The following NMT1 variants were observed in gnomAD, a reference collection of about 807,000 sequenced individuals.
The protein encoded by NMT1 is glycylpeptide N-tetradecanoyltransferase 1.
In NMT1, 12 loss-of-function variants were observed where a neutral mutation model predicts 63.4. That is an observed-to-expected ratio of 0.19 (90% CI 0.12 to 0.31). The LOEUF (loss-of-function observed/expected upper bound fraction) is 0.31, where lower values mean the gene tolerates loss of function less well. NMT1 is among the 10% of genes least tolerant of loss of function. The pLI is 1.00. For synonymous variants in NMT1, 228 were observed against 234.3 expected (o/e 0.97, Z 0.25); for missense variants, 432 against 634.6 (o/e 0.68, Z 3.43).
chr17:45,105,947 T>A lies in NMT1; in HGVS notation c.*308T>A. ...ATTGGCATATAATGGAGTTAACGGG[T>A]GAATAATAAAAGTATATATATATAT... On this transcript the variant is annotated 3_prime_UTR_variant, in exon 12 of 12. Transcript: ENST00000258960. The surrounding 1 kb of genome is among the most constrained non-coding windows in gnomAD (Gnocchi z 4.2). The A allele has an allele frequency of 4.7e-6, 1 of 212,320 alleles. No individual in the cohort carries two copies. Among genetic ancestry groups the A allele is most frequent in the Non-Finnish European group, 9.2e-6 (1 of 108,286 alleles). 13.2% of individuals were successfully genotyped at this position (212,320 alleles called of 1,614,324 possible).
intron 2 of NMT1, among the ~76,000 whole-genome samples, chr17:45,082,360 C>T (rs1187698719): frequency 1.3e-5 from 2 of 152,202 alleles, no homozygotes; most frequent in African/African-American, 4.8e-5. Flanking sequence ...AAGCAATCCT[C>T]CTGCCCTAGC....
intron 3 of NMT1, among the ~76,000 whole-genome samples, chr17:45,090,297 T>A (rs1367898190): frequency 6.6e-6 from 1 of 151,944 alleles, no homozygotes; most frequent in African/African-American, 2.4e-5. Flanking sequence ...GATTAAAAAA[T>A]AAATAAATAA....
intron 1 of NMT1, among the ~76,000 whole-genome samples, chr17:45,070,652 C>T (rs2053934080): frequency 7.0e-6 from 1 of 142,806 alleles, no homozygotes; most frequent in South Asian, 2.2e-4. Flanking sequence ...CTCCTGACCT[C>T]ATGATCCGCC....
At position 45,106,264 on chromosome 17, in the gene NMT1, G is replaced by A. The variant is rs540927831; in HGVS notation, c.*625G>A. 1 of 152,754 alleles carries A rather than the reference G, an allele frequency of 6.5e-6. No individual in the cohort carries two copies. The highest frequency in any genetic ancestry group is 1.5e-5 in the Non-Finnish European group (1 of 68,042). The allele number at this position is 152,754 out of a possible 1,614,324, so 9.5% of individuals were successfully genotyped here. A position where few individuals can be genotyped will look rare whatever the true frequency, so the allele number is the denominator to read the frequency against. ...CTCAGATCTCATGGGATAGCACGTG[G>A]AGCTCTTGGCTGGGGCTGACCCTGG... On this transcript the variant is annotated 3_prime_UTR_variant, in exon 12 of 12. Transcript: ENST00000258960.
Position 45,104,296 on chromosome 17 carries a change from T to C in NMT1, c.1332+420T>C, listed in dbSNP as rs956589206. The C allele has an allele frequency of 2.0e-5, 24 of 1,182,920 alleles. No homozygotes were observed. In the African/African-American group the frequency reaches 3.7e-4, roughly 18 times the overall value. The allele number at this position is 1,182,920 out of a possible 1,614,324, so 73.3% of individuals were successfully genotyped here. On this transcript the variant is annotated intron_variant, in intron 10 of 11. Coordinates refer to ENST00000258960, the MANE Select transcript of NMT1 (RefSeq NM_021079.5). The surrounding 1 kb of genome is among the most constrained non-coding windows in gnomAD (Gnocchi z 4.2). ...TCTGTCAGTGCTTTGCTGTGGGTTC[T>C]GGTAACCTGTGCCCAGCCCAGCCCA... is the stretch of plus-strand genomic sequence containing the variant.
chr17:45,066,657 GTGT>G, intron 1 of NMT1, among the ~76,000 whole-genome samples: 1 of 151,988 alleles, frequency 6.6e-6, no homozygotes, highest in African/African-American at 2.4e-5. Context: ...CATATGCAGT[GTGT>G]ATGGGTGCGT....
At chr17:45,073,023 CTTATTTT>C (rs1398983449) in intron 1 of NMT1, among the ~76,000 whole-genome samples, 3 of 152,218 alleles carry the variant, frequency 2.0e-5, no homozygotes, top group Admixed American at 6.6e-5. Context: ...TTTTCAAGGT[CTTATTTT>C]AGTCTATTAT....
Position 45,105,207 on chromosome 17 carries a change from C to T in NMT1, c.1470+211C>T, listed in dbSNP as rs1164703909. On this transcript the variant is annotated intron_variant, in intron 11 of 11. Coordinates refer to ENST00000258960, the MANE Select transcript of NMT1 (RefSeq NM_021079.5). This position sits in a 1 kb window ranked among gnomAD's most constrained non-coding sequence, Gnocchi z 4.2. Reference sequence around the variant, plus strand: ...TGTGAGGATGGCAGAGGGGACAGAGCCACACAGTAGCACGAAGATCATCTC... The same window carrying T: ...TGTGAGGATGGCAGAGGGGACAGAGTCACACAGTAGCACGAAGATCATCTC... Among the ~76,000 whole-genome samples, 1 of 152,190 alleles carries T rather than the reference C, an allele frequency of 6.6e-6. No homozygotes were observed. Among genetic ancestry groups the T allele is most frequent in the Non-Finnish European group, 1.5e-5 (1 of 68,032 alleles).
intron 6 of NMT1, 129 bp from the exon 7 acceptor site, chr17:45,098,253 G>A: frequency 3.9e-6 from 3 of 773,180 alleles, no homozygotes; most frequent in South Asian, 1.6e-5. Context: ...AGTACTGAGT[G>A]CAGGTGGCAG....
At chr17:45,090,103 A>T (rs1030146551) in intron 3 of NMT1, among the ~76,000 whole-genome samples, 1 of 151,918 alleles carries the variant, frequency 6.6e-6, no homozygotes, top group East Asian at 2.0e-4. Context: ...GACAACAGGG[A>T]AAGACCTCGT....
chr17:45,077,869 G>A (rs1214934827), intron 1 of NMT1, among the ~76,000 whole-genome samples: 1 of 152,152 alleles, frequency 6.6e-6, no homozygotes, highest in Non-Finnish European at 1.5e-5. Context: ...TATGGTTTCT[G>A]TTGTTTGCCA....
intron 2 of NMT1, among the ~76,000 whole-genome samples, chr17:45,085,819 C>CT (rs747872109): frequency 0.11 from 16,600 of 145,432 alleles, 960 homozygotes; most frequent in Middle Eastern, 0.18. Context: ...CCCTTTAACT[C>CT]TTTTTTTTTT....
In NMT1 at chr17:45,083,147, T is replaced by C. The variant is rs552990816; in HGVS notation, c.240+1395T>C. Reference sequence around the variant, plus strand: ...CTGGCCAACATGGTGAAACCCTGCCTCTACTGAAGATACAAAAAAAAATTA... The same window carrying C: ...CTGGCCAACATGGTGAAACCCTGCCCCTACTGAAGATACAAAAAAAAATTA... On this transcript the variant is annotated intron_variant, in intron 2 of 11. Transcript: ENST00000258960. Among the ~76,000 whole-genome samples the C allele has an allele frequency of 1.8e-3, 274 of 151,546 alleles. 1 individual carries two copies. Among genetic ancestry groups the C allele is most frequent in the Middle Eastern group, 3.4e-3 (1 of 294 alleles).
At chr17:45,078,409 A>G (rs191879784) in intron 1 of NMT1, among the ~76,000 whole-genome samples, 8 of 152,246 alleles carry the variant, frequency 5.3e-5, no homozygotes, top group African/African-American at 1.9e-4. Flanking sequence ...CCTCCCAGGA[A>G]CAGGAAGAGA....
intron 6 of NMT1, among the ~76,000 whole-genome samples, chr17:45,097,719 A>G (rs949019583): frequency 2.0e-5 from 3 of 152,038 alleles, no homozygotes; most frequent in African/African-American, 7.2e-5. Flanking sequence ...ATCTTGGTTC[A>G]CTGCAAGCTC....
At chr17:45,092,716 AAAAAAGAAAAG>A (rs1365151774) in intron 3 of NMT1, among the ~76,000 whole-genome samples, 1 of 148,934 alleles carries the variant, frequency 6.7e-6, no homozygotes, top group Admixed American at 6.7e-5. Flanking sequence ...TCAAAAAAAA[AAAAAAGAAAAG>A]AAAAGAAAAA....
chr17:45,103,577 C>A lies in NMT1; in HGVS notation c.1165-132C>A. ...AATGTCCCTCCTCCTCCCCACATGT[C>A]CTGTTGCAGTTTCCAGCCATTTATC... is the stretch of plus-strand genomic sequence containing the variant. On this transcript the variant is annotated intron_variant, in intron 9 of 11. Transcript: ENST00000258960. This position sits in a 1 kb window ranked among gnomAD's most constrained non-coding sequence, Gnocchi z 4.8. 1.1e-6 allele frequency: 1 copy of A among 901,616 alleles called. No homozygotes were observed. The highest frequency in any genetic ancestry group is 1.7e-6 in the Non-Finnish European group (1 of 584,280). The allele number at this position is 901,616 out of a possible 1,614,324, so 55.9% of individuals were successfully genotyped here.
At chr17:45,061,878 C>T (rs1014666335) in intron 1 of NMT1, 13 of 157,610 alleles carry the variant, frequency 8.2e-5, no homozygotes, top group South Asian at 6.5e-4. Flanking sequence ...GCAGTTCACC[C>T]TCAGTGAGGA....
In NMT1 at chr17:45,090,119, C is replaced by CA. The variant is rs1274539274; in HGVS notation, c.385+3474dup. On this transcript the variant is annotated intron_variant, in intron 3 of 11. Coordinates refer to ENST00000258960, the MANE Select transcript of NMT1 (RefSeq NM_021079.5). Reference sequence around the variant, plus strand: ...ACAACAGGGAAAGACCTCGTCTCTACAAAAAAATTTAAAAATTAGCCAGAC... The same window carrying CA: ...ACAACAGGGAAAGACCTCGTCTCTACAAAAAAAATTTAAAAATTAGCCAGAC... Among the ~76,000 whole-genome samples, 22 of 151,528 alleles carry CA rather than the reference C, an allele frequency of 1.5e-4. No homozygotes were observed. The East Asian group carries it at 4.3e-3, about 30-fold the overall frequency.
Sources: allele counts gnomAD v4.1 joint callset (sites outside exome capture counted in the v4.1 genomes callset), GRCh38; gene constraint gnomAD v4.1.1; non-coding constraint Gnocchi (gnomAD v3.1); transcripts MANE v1.5; gene names NCBI Gene and HGNC (gene_info 2026-07-23, HGNC 2026-07-21).